The following MAP2K4 variants were observed in gnomAD, a reference collection of about 807,000 sequenced individuals.
The protein encoded by MAP2K4 is mitogen-activated protein kinase kinase 4.
Under a neutral mutation model 48.5 loss-of-function variants are expected in MAP2K4, and 4 were observed. The observed-to-expected ratio is 0.08, with a 90% CI of 0.04 to 0.19. The LOEUF is 0.19. Among genes scored for constraint, MAP2K4 ranks in the 10% least tolerant of loss-of-function variants. The pLI is 1.00. For synonymous variants in MAP2K4, 166 were observed against 173.1 expected (o/e 0.96, Z 0.32); for missense variants, 258 against 493.3 (o/e 0.52, Z 4.52).
At chr17:12,037,326 A>C (rs559039878) in intron 1 of MAP2K4, among the ~76,000 whole-genome samples, 65 of 152,262 alleles carry the variant, frequency 4.3e-4, no homozygotes, top group Non-Finnish European at 8.1e-4. Context: ...GAAAGATACT[A>C]AGTTTACTGA....
chr17:12,075,633 A>AT (rs763134767), intron 2 of MAP2K4, among the ~76,000 whole-genome samples: 4 of 152,182 alleles, frequency 2.6e-5, no homozygotes, highest in Non-Finnish European at 5.9e-5. Context: ...ATAGCTTAAG[A>AT]ATGTTCAACT....
rs28990372 is a variant in MAP2K4, at chr17:12,138,777, G to A, written c.1041-1062G>A. ...TACCAATGAGAAGGAAACGAGATTG[G>A]GCAGAAGAAGTTCAGTTGCAGTGCC... On this transcript the variant is annotated intron_variant, in intron 9 of 10. Transcript: ENST00000353533. Among the ~76,000 whole-genome samples, 1,124 of 152,198 alleles carry A rather than the reference G, an allele frequency of 7.4e-3. 19 individuals are homozygous for A. Among genetic ancestry groups the A allele is most frequent in the African/African-American group, 0.026 (1,070 of 41,522 alleles).
chr17:12,048,874 C>T (rs946694241), intron 1 of MAP2K4, among the ~76,000 whole-genome samples: 3 of 151,968 alleles, frequency 2.0e-5, no homozygotes, highest in African/African-American at 7.3e-5. Flanking sequence ...CCTGGCTGGT[C>T]TTGAACTCCT....
intron 1 of MAP2K4, among the ~76,000 whole-genome samples, chr17:12,036,840 T>C (rs1969614746): frequency 1.3e-5 from 2 of 152,128 alleles, no homozygotes; most frequent in Admixed American, 1.3e-4. Context: ...AATACTCTTC[T>C]GATAATTTAT....
chr17:12,111,899 A>G (rs1972318596), intron 6 of MAP2K4, among the ~76,000 whole-genome samples: 1 of 152,076 alleles, frequency 6.6e-6, no homozygotes, highest in Non-Finnish European at 1.5e-5. Flanking sequence ...TAACAACTAG[A>G]GCAGTTCCCA....
chr17:12,125,124 TTG>T (rs1456559324), intron 7 of MAP2K4, 168 bp from the exon 8 acceptor site: 3 of 584,152 alleles, frequency 5.1e-6, no homozygotes, highest in Non-Finnish European at 9.3e-6. Context: ...AAGTTTTTTG[TTG>T]TTTGTTTTTA....
intron 7 of MAP2K4, among the ~76,000 whole-genome samples, chr17:12,117,216 A>G (rs1210499262): frequency 1.3e-5 from 2 of 152,180 alleles, no homozygotes; most frequent in Non-Finnish European, 2.9e-5. Flanking sequence ...TATCATTACC[A>G]CACCTAAAAA....
intron 1 of MAP2K4, among the ~76,000 whole-genome samples, chr17:12,048,387 A>T (rs147442398): frequency 1.2e-4 from 19 of 152,292 alleles, no homozygotes; most frequent in African/African-American, 4.6e-4. Flanking sequence ...CTGTTGGGAT[A>T]TTTACTTGAT....
At chr17:12,116,867 A>G (rs1292432138) in intron 7 of MAP2K4, among the ~76,000 whole-genome samples, 1 of 152,300 alleles carries the variant, frequency 6.6e-6, no homozygotes, top group East Asian at 1.9e-4. Flanking sequence ...TGTACTGTAC[A>G]TAATTGTATG....
At chr17:12,034,170 A>T (rs1034078549) in intron 1 of MAP2K4, among the ~76,000 whole-genome samples, 1 of 152,224 alleles carries the variant, frequency 6.6e-6, no homozygotes, top group African/African-American at 2.4e-5. Flanking sequence ...AAACAAGAGA[A>T]ACATTGATTA....
chr17:12,044,644 A>G (rs1175592720), intron 1 of MAP2K4, among the ~76,000 whole-genome samples: 3 of 152,200 alleles, frequency 2.0e-5, no homozygotes, highest in Non-Finnish European at 2.9e-5. Context: ...TAGCAAACAA[A>G]TAATCACTTC....
At chr17:12,120,182 C>T (rs1238978931) in intron 7 of MAP2K4, among the ~76,000 whole-genome samples, 4 of 152,090 alleles carry the variant, frequency 2.6e-5, no homozygotes, top group East Asian at 1.9e-4. Flanking sequence ...AAAATTAGGC[C>T]GGGCGCGGTG....
intron 1 of MAP2K4, among the ~76,000 whole-genome samples, chr17:12,025,080 G>A (rs754858923): frequency 6.6e-6 from 1 of 152,208 alleles, no homozygotes; most frequent in Non-Finnish European, 1.5e-5. Flanking sequence ...TTTTCCAGTA[G>A]TAGCTGTAGC....
chr17:12,077,994 C>G (rs922555281), intron 2 of MAP2K4, among the ~76,000 whole-genome samples: 13 of 152,330 alleles, frequency 8.5e-5, no homozygotes, highest in Non-Finnish European at 1.6e-4. Context: ...GGGCCCCACC[C>G]TTCATTAACC....
intron 1 of MAP2K4, among the ~76,000 whole-genome samples, chr17:12,047,386 C>T (rs1234593812): frequency 6.6e-6 from 1 of 152,102 alleles, no homozygotes; most frequent in Non-Finnish European, 1.5e-5. Context: ...CTCACAGTGC[C>T]CCTATGGGGA....
chr17:12,041,964 T>G (rs1969800487), intron 1 of MAP2K4, among the ~76,000 whole-genome samples: 1 of 152,028 alleles, frequency 6.6e-6, no homozygotes, highest in South Asian at 2.1e-4. Flanking sequence ...ATGGCTCACC[T>G]GAGGTCAGGA....
At chr17:12,078,817 C>G (rs1395111342) in intron 2 of MAP2K4, among the ~76,000 whole-genome samples, 1 of 152,114 alleles carries the variant, frequency 6.6e-6, no homozygotes, top group Non-Finnish European at 1.5e-5. Flanking sequence ...GTTCCTGTAT[C>G]TAGTCAGTCC....
chr17:12,083,713 ATT>A (rs1423902890), intron 3 of MAP2K4, among the ~76,000 whole-genome samples: 2 of 152,230 alleles, frequency 1.3e-5, no homozygotes, highest in African/African-American at 4.8e-5. Context: ...TAAAGAATGC[ATT>A]TATTATTGGT....
intron 2 of MAP2K4, among the ~76,000 whole-genome samples, chr17:12,059,075 A>G (rs1469258688): frequency 2.0e-5 from 3 of 152,208 alleles, no homozygotes; most frequent in Non-Finnish European, 2.9e-5. Flanking sequence ...CTGAACAGGA[A>G]ACCTTGATTT....
Sources: allele counts gnomAD v4.1 joint callset (sites outside exome capture counted in the v4.1 genomes callset), GRCh38; gene constraint gnomAD v4.1.1; transcripts MANE v1.5; gene names NCBI Gene and HGNC (gene_info 2026-07-23, HGNC 2026-07-21).